CEMIP: variants seen among roughly 807,000 people sequenced by gnomAD.
CEMIP encodes cell migration inducing hyaluronidase 1, also known as cell migration-inducing and hyaluronan-binding protein.
In CEMIP, 105 loss-of-function variants were observed where a neutral mutation model predicts 156.9. That is an observed-to-expected ratio of 0.67 (90% CI 0.57 to 0.79). CEMIP has a LOEUF of 0.79. Among genes scored for constraint, CEMIP ranks in the 30% least tolerant of loss-of-function variants. The pLI is 0.00. For missense variants in CEMIP, 1,457 were observed against 1,769.4 expected (o/e 0.82, Z 3.17); for synonymous variants, 676 against 668.4 (o/e 1.01, Z -0.17).
At chr15:80,811,837 G>A (rs1385085) in intron 1 of CEMIP, among the ~76,000 whole-genome samples, 76,895 of 151,926 alleles carry the variant, frequency 0.51, 19,661 homozygotes, top group East Asian at 0.58. Flanking sequence ...GATTACAGGC[G>A]TGAGCTACCA....
chr15:80,811,051 G>T (rs1485928947), intron 1 of CEMIP, among the ~76,000 whole-genome samples: 3 of 152,148 alleles, frequency 2.0e-5, no homozygotes, highest in Admixed American at 2.0e-4. Context: ...ACTACATGCT[G>T]GGCCTTGTAG....
Position 80,936,693 on chromosome 15 carries a change from A to G in CEMIP, c.3029A>G (p.Lys1010Arg). 1 of 1,614,086 alleles carries G rather than the reference A, an allele frequency of 6.2e-7. No individual in the cohort carries two copies. ...TAAAAGATGTACATTCAAGCCTACA[A>G]GACCAGTAACCTGCGAATGAAGATC... ...CYAQMYIQAYKTSNLRMKIIK... is the reference protein window; with the variant it reads ...CYAQMYIQAYRTSNLRMKIIK... Residue 1010 changes from lysine (K) to arginine (R), a missense_variant, in exon 24 of 30, where the codon AAG becomes AGG. Coordinates refer to ENST00000394685, the MANE Select transcript of CEMIP (RefSeq NM_001293298.2).
At chr15:80,921,926 C>T (rs923697380) in intron 16 of CEMIP, 83 bp from the exon 17 acceptor site, 33 of 1,588,084 alleles carry the variant, frequency 2.1e-5, no homozygotes, top group East Asian at 1.3e-4. Flanking sequence ...GACCCATCTC[C>T]GGCGTGGGCC....
At chr15:80,792,347 C>T (rs911501941) in intron 1 of CEMIP, among the ~76,000 whole-genome samples, 2 of 152,104 alleles carry the variant, frequency 1.3e-5, no homozygotes, top group African/African-American at 4.8e-5. Context: ...TTATATCTTC[C>T]TTGGGTTGTA....
At chr15:80,858,776 CT>C (rs1897915403) in intron 1 of CEMIP, among the ~76,000 whole-genome samples, 1 of 152,110 alleles carries the variant, frequency 6.6e-6, no homozygotes, top group African/African-American at 2.4e-5. Context: ...CTCCTTTTGG[CT>C]TCTTATTAGT....
intron 1 of CEMIP, among the ~76,000 whole-genome samples, chr15:80,845,760 G>A (rs1054138692): frequency 2.6e-5 from 4 of 152,168 alleles, no homozygotes; most frequent in Non-Finnish European, 4.4e-5. Flanking sequence ...CCATAACTGA[G>A]GTGGAAAATC....
intron 1 of CEMIP, among the ~76,000 whole-genome samples, chr15:80,801,284 A>C (rs1442621528): frequency 6.6e-6 from 1 of 151,974 alleles, no homozygotes; most frequent in Non-Finnish European, 1.5e-5. Context: ...GCTAATCTCA[A>C]CTCTGTTTTG....
intron 1 of CEMIP, among the ~76,000 whole-genome samples, chr15:80,870,663 C>T (rs1474525976): frequency 6.6e-6 from 1 of 152,228 alleles, no homozygotes; most frequent in Non-Finnish European, 1.5e-5. Context: ...ACGCCTCCTG[C>T]CCCTGCTTTT....
intron 10 of CEMIP, among the ~76,000 whole-genome samples, chr15:80,893,420 G>C (rs1388767429): frequency 6.6e-6 from 1 of 152,118 alleles, no homozygotes; most frequent in African/African-American, 2.4e-5. Context: ...CAGCAGAATT[G>C]AGTAGATGTT....
chr15:80,902,669 C>T (rs1041329493), intron 12 of CEMIP, among the ~76,000 whole-genome samples: 16 of 152,126 alleles, frequency 1.1e-4, no homozygotes, highest in South Asian at 2.1e-4. Flanking sequence ...CCTTGGCTGA[C>T]GGGAGTCTGA....
rs1898554311 is a variant in CEMIP, at chr15:80,878,859, C to G, written c.233C>G (p.Ser78Ter). 2.5e-6 allele frequency: 4 copies of G among 1,614,198 alleles called. No individual in the cohort carries two copies. The East Asian group carries it at 8.9e-5, about 36-fold the overall frequency. Residue 78 changes from serine (S) to a stop codon, truncating the protein, a stop_gained, in exon 4 of 30, where the codon TCA becomes TGA. Coordinates refer to ENST00000394685, the MANE Select transcript of CEMIP (RefSeq NM_001293298.2). LOFTEE classifies it high-confidence loss of function. ...GCCACGGTCTATTCCATCCACATCTCAGAGGGAGGTAAGCCAATCTCTCTC... is the reference window on the plus strand; with the variant it reads ...GCCACGGTCTATTCCATCCACATCTGAGAGGGAGGTAAGCCAATCTCTCTC... ...SSATVYSIHI[S>*]EGGKLVIKDH...
intron 1 of CEMIP, among the ~76,000 whole-genome samples, chr15:80,863,500 A>C (rs1413275885): frequency 6.6e-6 from 1 of 152,236 alleles, no homozygotes; most frequent in Middle Eastern, 3.2e-3. Flanking sequence ...AGAATGAGAT[A>C]AGTTTAAAGA....
intron 1 of CEMIP, among the ~76,000 whole-genome samples, chr15:80,815,564 CTT>C (rs1896772346): frequency 1.4e-5 from 1 of 69,114 alleles, no homozygotes; most frequent in African/African-American, 5.7e-5. Flanking sequence ...TACCTCCCTT[CTT>C]TCTTTCCTTC....
intron 1 of CEMIP, among the ~76,000 whole-genome samples, chr15:80,797,150 C>G (rs752344779): frequency 6.6e-6 from 1 of 152,272 alleles, no homozygotes; most frequent in South Asian, 2.1e-4. Context: ...CTGGCCAGAA[C>G]TGCCTACGGG....
chr15:80,881,620 C>T (rs997987975), intron 6 of CEMIP, among the ~76,000 whole-genome samples: 4 of 152,136 alleles, frequency 2.6e-5, no homozygotes, highest in Admixed American at 2.0e-4. Flanking sequence ...CAGCGAGTGG[C>T]GGAAGAGCAG....
intron 21 of CEMIP, among the ~76,000 whole-genome samples, chr15:80,931,607 G>A (rs1033880509): frequency 2.0e-5 from 3 of 151,382 alleles, no homozygotes; most frequent in East Asian, 1.9e-4. Flanking sequence ...CCATTCACCC[G>A]GCAGTCATTC....
intron 1 of CEMIP, among the ~76,000 whole-genome samples, chr15:80,855,159 C>T (rs1037980248): frequency 2.6e-5 from 4 of 152,164 alleles, no homozygotes; most frequent in Non-Finnish European, 5.9e-5. Flanking sequence ...TGCACTGAAG[C>T]TCTTTGAGAC....
At chr15:80,901,110 T>C (rs1899516841) in intron 12 of CEMIP, 1 of 380,918 alleles carries the variant, frequency 2.6e-6, no homozygotes, top group South Asian at 2.0e-5. Flanking sequence ...TTTTCCACCC[T>C]GTTGTCTTTA....
At chr15:80,935,552 G>A (rs1333942085) in intron 23 of CEMIP, among the ~76,000 whole-genome samples, 1 of 152,184 alleles carries the variant, frequency 6.6e-6, no homozygotes, top group Non-Finnish European at 1.5e-5. Flanking sequence ...TTCCTAAGAT[G>A]GGCAGGGTTG....
Sources: gnomAD v4.1 joint callset for allele counts (sites outside exome capture counted in the v4.1 genomes callset) on GRCh38, gnomAD v4.1.1 for gene constraint, MANE v1.5 for transcripts, NCBI Gene and HGNC (gene_info 2026-07-23, HGNC 2026-07-21) for gene names.